The following KIRREL3 variants were observed in gnomAD, a reference collection of about 807,000 sequenced individuals.
The protein encoded by KIRREL3 is kin of IRRE-like protein 3.
In KIRREL3, 36 loss-of-function variants were observed where a neutral mutation model predicts 89.7. The observed-to-expected ratio is 0.40, with a 90% CI of 0.31 to 0.53. The LOEUF (loss-of-function observed/expected upper bound fraction) is 0.53, where lower values mean the gene tolerates loss of function less well. Ranked by LOEUF, KIRREL3 falls within the 20% of genes least tolerant of loss-of-function variation. The probability of loss-of-function intolerance (pLI) is 0.49; values close to 1 mark genes in which losing one functional copy is unlikely to be tolerated. For missense variants in KIRREL3, 864 were observed against 1,056.6 expected, an observed-to-expected ratio of 0.82 and a Z score of 2.53; for synonymous variants, 445 against 441.4, an observed-to-expected ratio of 1.01 and a Z score of -0.10.
chr11:126,853,071 T>C (rs1192131441), intron 1 of KIRREL3, among the ~76,000 whole-genome samples: 1 of 152,182 alleles, frequency 6.6e-6, no homozygotes, highest in African/African-American at 2.4e-5. Context: ...TTTTTTTGTG[T>C]TGTTGCTTTT....
chr11:126,452,202 A>G (rs972010620), intron 7 of KIRREL3, among the ~76,000 whole-genome samples: 8 of 152,380 alleles, frequency 5.3e-5, no homozygotes, highest in African/African-American at 1.9e-4. Flanking sequence ...GTTTAACAAC[A>G]GAGCAAACCA....
chr11:126,733,454 G>A (rs1451010859), intron 1 of KIRREL3, among the ~76,000 whole-genome samples: 1 of 152,210 alleles, frequency 6.6e-6, no homozygotes, highest in Non-Finnish European at 1.5e-5. Flanking sequence ...AAACCAGTTT[G>A]CATCTTAGGA....
At chr11:126,822,248 G>T (rs1201046683) in intron 1 of KIRREL3, among the ~76,000 whole-genome samples, 1 of 152,212 alleles carries the variant, frequency 6.6e-6, no homozygotes, top group Non-Finnish European at 1.5e-5. Context: ...GGCCCTGGAA[G>T]TGTTGGCTAA....
intron 1 of KIRREL3, among the ~76,000 whole-genome samples, chr11:126,735,424 T>G (rs1279432402): frequency 6.6e-6 from 1 of 152,108 alleles, no homozygotes; most frequent in Non-Finnish European, 1.5e-5. Flanking sequence ...CGGCCCCATT[T>G]CCCACCTCCT....
At position 126,622,004 on chromosome 11, in the gene KIRREL3, G is replaced by A. The variant is rs1943593780; in HGVS notation, c.56-59092C>T. Among the ~76,000 whole-genome samples the A allele has an allele frequency of 6.6e-6, 1 of 152,162 alleles. No individual in the cohort carries two copies. The highest frequency in any genetic ancestry group is 1.5e-5 in the Non-Finnish European group (1 of 68,050). ...GGGGAAGGTACATTGTAGTCTCTGG[G>A]ACTGTTGGTTGTATTTCTGGACAGT... On this transcript the variant is annotated intron_variant, in intron 1 of 16. Coordinates refer to ENST00000525144, the MANE Select transcript of KIRREL3 (RefSeq NM_032531.4). This position sits in a 1 kb window ranked among gnomAD's most constrained non-coding sequence, Gnocchi z 5.2.
Position 126,463,159 on chromosome 11 carries a change from T to C in KIRREL3, c.740A>G (p.Gln247Arg). The C allele has an allele frequency of 6.2e-7, 1 of 1,612,890 alleles. No homozygotes were observed. Among genetic ancestry groups the C allele is most frequent in the Non-Finnish European group, 8.5e-7 (1 of 1,179,688 alleles). Reference sequence around the variant, plus strand: ...TGGGGGAGGGGGTGGGTACTCACGCTGGATGTCAATGGTGACCGACGTCTC... The same window carrying C: ...TGGGGGAGGGGGTGGGTACTCACGCCGGATGTCAATGGTGACCGACGTCTC... ...GKETSVTIDI[Q>R]HPPLVNLSVE... The change falls in exon 6 of 17, where the codon CAG becomes CGG. Residue 247 changes from glutamine (Q) to arginine (R), a missense_variant and splice_region_variant. Coordinates refer to ENST00000525144, the MANE Select transcript of KIRREL3 (RefSeq NM_032531.4). This position sits in a 1 kb window ranked among gnomAD's most constrained non-coding sequence, Gnocchi z 5.9.
At chr11:126,714,922 G>A (rs1297902629) in intron 1 of KIRREL3, among the ~76,000 whole-genome samples, 1 of 152,196 alleles carries the variant, frequency 6.6e-6, no homozygotes, top group Non-Finnish European at 1.5e-5. Flanking sequence ...GATCAGCGGA[G>A]TTTTACTTAC....
chr11:126,973,313 C>T (rs779222400), intron 1 of KIRREL3, among the ~76,000 whole-genome samples: 3 of 152,118 alleles, frequency 2.0e-5, no homozygotes, highest in Admixed American at 1.3e-4. Flanking sequence ...TAGACTTAGC[C>T]TCAGGGGCCA....
In KIRREL3 at chr11:126,752,738, C is replaced by T. The variant is rs756172442; in HGVS notation, c.56-189826G>A. ...GGATTTTCCCAGCTGTACCCTTGAG[C>T]GAGAACTTTCCCAAAGTGAAGAGCA... On this transcript the variant is annotated intron_variant, in intron 1 of 16. Transcript: ENST00000525144. This position sits in a 1 kb window ranked among gnomAD's most constrained non-coding sequence, Gnocchi z 4.8. 6.6e-6 allele frequency among the ~76,000 whole-genome samples: 1 copy of T among 152,000 alleles called. No homozygotes were observed. Among genetic ancestry groups the T allele is most frequent in the Admixed American group, 6.5e-5 (1 of 15,274 alleles).
chr11:126,594,853 T>C lies in KIRREL3; in HGVS notation c.56-31941A>G, dbSNP rs1942317118. On this transcript the variant is annotated intron_variant, in intron 1 of 16. Transcript: ENST00000525144. This position sits in a 1 kb window ranked among gnomAD's most constrained non-coding sequence, Gnocchi z 5.0. ...TTGGGAGCTGCTCGATCTTTTCTGTTAGCATTTCCGCCACGTGCTTCTCAG... is the reference window on the plus strand; with the variant it reads ...TTGGGAGCTGCTCGATCTTTTCTGTCAGCATTTCCGCCACGTGCTTCTCAG... Among the ~76,000 whole-genome samples the C allele has an allele frequency of 6.6e-6, 1 of 152,236 alleles. No individual in the cohort carries two copies. The highest frequency in any genetic ancestry group is 1.5e-5 in the Non-Finnish European group (1 of 68,046).
At chr11:126,975,906 TCCTCCCTCCCTTCCTCCCTC>T (rs1307472180) in intron 1 of KIRREL3, among the ~76,000 whole-genome samples, 1 of 56,336 alleles carries the variant, frequency 1.8e-5, no homozygotes, top group Non-Finnish European at 3.3e-5. Flanking sequence ...CTCCCTCCCT[TCCTCCCTCCCTTCCTCCCTC>T]CCTCCCTCCC....
chr11:126,521,178 A>G lies in KIRREL3; in HGVS notation c.433+137T>C, dbSNP rs1195166934. The G allele has an allele frequency of 5.5e-6, 5 of 906,750 alleles. No individual in the cohort carries two copies. The Admixed American group carries it at 1.7e-4, about 32-fold the overall frequency. The allele number at this position is 906,750 out of a possible 1,614,324, so 56.2% of individuals were successfully genotyped here. A position where few individuals can be genotyped will look rare whatever the true frequency, so the allele number is the denominator to read the frequency against. On this transcript the variant is annotated intron_variant, in intron 4 of 16. Coordinates refer to ENST00000525144, the MANE Select transcript of KIRREL3 (RefSeq NM_032531.4). This position sits in a 1 kb window ranked among gnomAD's most constrained non-coding sequence, Gnocchi z 4.1. ...GGGAAGGTGGGCATGGATATTGTGG[A>G]AGCAGCAGTGTCTGGAGCCCTGTGG...
chr11:126,459,876 G>A lies in KIRREL3; in HGVS notation c.742+3281C>T, dbSNP rs944115214. 2.0e-5 allele frequency among the ~76,000 whole-genome samples: 3 copies of A among 152,194 alleles called. No individual in the cohort carries two copies. The highest frequency in any genetic ancestry group is 7.2e-5 in the African/African-American group (3 of 41,440). On this transcript the variant is annotated intron_variant, in intron 6 of 16. Coordinates refer to ENST00000525144, the MANE Select transcript of KIRREL3 (RefSeq NM_032531.4). This position sits in a 1 kb window ranked among gnomAD's most constrained non-coding sequence, Gnocchi z 4.8. Reference sequence around the variant, plus strand: ...CCAGATGTGGTGAGGCTTTGGGGGTGTTAAGCTTTCTCTCCCATTACTCAA... The same window carrying A: ...CCAGATGTGGTGAGGCTTTGGGGGTATTAAGCTTTCTCTCCCATTACTCAA...
chr11:126,547,290 G>T (rs952833470), intron 2 of KIRREL3, among the ~76,000 whole-genome samples: 1 of 152,204 alleles, frequency 6.6e-6, no homozygotes, highest in Non-Finnish European at 1.5e-5. Context: ...TCCCCTTTGG[G>T]TGGCTTACCA....
In KIRREL3 at chr11:126,704,895, A is replaced by T. The variant is rs1033165205; in HGVS notation, c.56-141983T>A. On this transcript the variant is annotated intron_variant, in intron 1 of 16. Coordinates refer to ENST00000525144, the MANE Select transcript of KIRREL3 (RefSeq NM_032531.4). The surrounding 1 kb of genome is among the most constrained non-coding windows in gnomAD (Gnocchi z 4.2). The stretch of plus-strand genomic sequence containing the variant: ...AGTATTCTCCTCCTGCGACCATGCC[A>T]TGGGATGAAAGCCTCTGCCCTGTAT... Among the ~76,000 whole-genome samples, 1 of 152,208 alleles carries T rather than the reference A, an allele frequency of 6.6e-6. No individual in the cohort carries two copies. Among genetic ancestry groups the T allele is most frequent in the African/African-American group, 2.4e-5 (1 of 41,468 alleles).
chr11:126,852,105 G>C (rs900704767), intron 1 of KIRREL3, among the ~76,000 whole-genome samples: 1 of 147,026 alleles, frequency 6.8e-6, no homozygotes, highest in South Asian at 2.2e-4. Flanking sequence ...CCAGGCCGGA[G>C]TGCAGTGGTG....
At chr11:126,595,299 C>G (rs547711708) in intron 1 of KIRREL3, among the ~76,000 whole-genome samples, 3 of 152,354 alleles carry the variant, frequency 2.0e-5, no homozygotes, top group African/African-American at 4.8e-5. Context: ...TCCCCTCCAG[C>G]CTGGCTCCAG....
At chr11:126,895,841 T>C (rs776917617) in intron 1 of KIRREL3, among the ~76,000 whole-genome samples, 2 of 152,304 alleles carry the variant, frequency 1.3e-5, no homozygotes, top group Non-Finnish European at 2.9e-5. Flanking sequence ...AGTGACCACA[T>C]GACCCAGCTG....
intron 1 of KIRREL3, among the ~76,000 whole-genome samples, chr11:126,873,940 C>G (rs1279822204): frequency 2.6e-5 from 4 of 152,222 alleles, no homozygotes; most frequent in Non-Finnish European, 5.9e-5. Context: ...AACTCTCCTG[C>G]TAAAAACTTT....
Sources: gnomAD v4.1 joint callset for allele counts (sites outside exome capture counted in the v4.1 genomes callset) on GRCh38, gnomAD v4.1.1 for gene constraint, Gnocchi (gnomAD v3.1) non-coding constraint, MANE v1.5 for transcripts, NCBI Gene and HGNC (gene_info 2026-07-23, HGNC 2026-07-21) for gene names.